The following PCDHGB2 variants were observed in gnomAD, a reference collection of about 807,000 sequenced individuals.
PCDHGB2 encodes protocadherin gamma subfamily B, 2.
A neutral mutation model predicts 59.3 loss-of-function variants in PCDHGB2; 55 were observed. That is an observed-to-expected ratio of 0.93 (90% CI 0.75 to 1.16). PCDHGB2 has a LOEUF of 1.16. Among genes scored for constraint, PCDHGB2 ranks in the 50% most tolerant of loss-of-function variants. The pLI is 0.00. For missense variants in PCDHGB2, 1,228 were observed against 1,198.5 expected, an observed-to-expected ratio of 1.02 and a Z score of -0.36; for synonymous variants, 516 against 512.0, an observed-to-expected ratio of 1.01 and a Z score of -0.11.
At chr5:141,365,327 G>T in intron 1 of PCDHGB2, 1 of 1,613,998 alleles carries the variant, frequency 6.2e-7, no homozygotes, top group East Asian at 2.2e-5. Flanking sequence ...CAGCGCTAAG[G>T]TGGTGGTCAC....
intron 1 of PCDHGB2, chr5:141,403,867 A>C (rs755401788): frequency 1.1e-5 from 17 of 1,613,606 alleles, no homozygotes; most frequent in Admixed American, 3.3e-5. Flanking sequence ...CAACAGCAAA[A>C]AGTCTAGATT....
At chr5:141,418,127 A>G in intron 1 of PCDHGB2, 1 of 1,614,104 alleles carries the variant, frequency 6.2e-7, no homozygotes, top group East Asian at 2.2e-5. Flanking sequence ...GAAGGACCGA[A>G]TAGACCGTGA....
intron 1 of PCDHGB2, among the ~76,000 whole-genome samples, chr5:141,474,116 A>G (rs2099342954): frequency 1.3e-5 from 2 of 152,234 alleles, no homozygotes; most frequent in African/African-American, 4.8e-5. Flanking sequence ...AACAACAACG[A>G]AAATCTCAGA....
At chr5:141,390,123 C>T in intron 1 of PCDHGB2, 1 of 1,614,008 alleles carries the variant, frequency 6.2e-7, no homozygotes, top group Non-Finnish European at 8.5e-7. Context: ...GGGGACTTTG[C>T]CTTATTCCTA....
Position 141,408,177 on chromosome 5 carries a change from G to A in PCDHGB2, c.2421+45621G>A, listed in dbSNP as rs1359754385. 7.2e-6 allele frequency: 11 copies of A among 1,534,346 alleles called. 1 individual carries two copies. In the South Asian group the frequency reaches 1.3e-4, roughly 19 times the overall value. ...GCACTTTCTCCAACTGGAAAAGCGGGGACCCAGCGAGAACCCGAGCGAACG... is the reference window on the plus strand; with the variant it reads ...GCACTTTCTCCAACTGGAAAAGCGGAGACCCAGCGAGAACCCGAGCGAACG... On this transcript the variant is annotated intron_variant, in intron 1 of 3. Transcript: ENST00000522605.
chr5:141,374,973 T>C (rs1770996442), intron 1 of PCDHGB2: 1 of 1,614,028 alleles, frequency 6.2e-7, no homozygotes, highest in Non-Finnish European at 8.5e-7. Flanking sequence ...TTGAATGTTT[T>C]GACTGGAGAA....
In PCDHGB2 at chr5:141,478,301, G is replaced by C. The variant is rs778427815; in HGVS notation, c.2422-16506G>C. ...GAAGCAGTCTAGAGACCTATACCGA[G>C]CCCCGGTGAGCTCACTGTACCGAAC... On this transcript the variant is annotated intron_variant, in intron 1 of 3. Coordinates refer to ENST00000522605, the MANE Select transcript of PCDHGB2 (RefSeq NM_018923.3). 2.5e-6 allele frequency: 4 copies of C among 1,614,074 alleles called. No individual in the cohort carries two copies. In the South Asian group the frequency reaches 4.4e-5, roughly 18 times the overall value.
At chr5:141,501,290 TACAC>T (rs55762287) in intron 2 of PCDHGB2, among the ~76,000 whole-genome samples, 45,565 of 135,778 alleles carry the variant, frequency 0.34, 7,845 homozygotes, top group Non-Finnish European at 0.42. Flanking sequence ...TATTCCCTTA[TACAC>T]ACACACACAC....
rs1488305057 is a variant in PCDHGB2, at chr5:141,477,736, C to A, written c.2422-17071C>A. ...AATTTGAATTAACAGCTCATATCAG[C>A]GATGGGGGCACCCCGGTCCTAGCCA... On this transcript the variant is annotated intron_variant, in intron 1 of 3. Transcript: ENST00000522605. This position sits in a 1 kb window ranked among gnomAD's most constrained non-coding sequence, Gnocchi z 4.9. The A allele has an allele frequency of 6.2e-7, 1 of 1,613,790 alleles. No homozygotes were observed. Among genetic ancestry groups the A allele is most frequent in the Non-Finnish European group, 8.5e-7 (1 of 1,180,024 alleles).
At position 141,431,020 on chromosome 5, in the gene PCDHGB2, G is replaced by T. The variant is rs941765907; in HGVS notation, c.2422-63787G>T. ...CGCGCAGCGGCAGCTTGGTCACGGCGGGCAGGATAGACCGGGAGGAGCTCT... is the reference window on the plus strand; with the variant it reads ...CGCGCAGCGGCAGCTTGGTCACGGCTGGCAGGATAGACCGGGAGGAGCTCT... On this transcript the variant is annotated intron_variant, in intron 1 of 3. Coordinates refer to ENST00000522605, the MANE Select transcript of PCDHGB2 (RefSeq NM_018923.3). This position sits in a 1 kb window ranked among gnomAD's most constrained non-coding sequence, Gnocchi z 4.8. 2.5e-6 allele frequency: 4 copies of T among 1,614,050 alleles called. No homozygotes were observed. The East Asian group carries it at 8.9e-5, about 36-fold the overall frequency.
Position 141,485,210 on chromosome 5 carries a change from C to G in PCDHGB2, c.2422-9597C>G. 2 of 1,614,058 alleles carry G rather than the reference C, an allele frequency of 1.2e-6. No individual in the cohort carries two copies. The highest frequency in any genetic ancestry group is 1.7e-6 in the Non-Finnish European group (2 of 1,179,934). On this transcript the variant is annotated intron_variant, in intron 1 of 3. Transcript: ENST00000522605. The surrounding 1 kb of genome is among the most constrained non-coding windows in gnomAD (Gnocchi z 5.7). ...GGTGAGAAGCTGGACAGAAATCTGG[C>G]GGTGGGCTACCCTTTTGTTCCTCTT...
chr5:141,509,132 G>A (rs1261849657), intron 3 of PCDHGB2, among the ~76,000 whole-genome samples: 1 of 152,150 alleles, frequency 6.6e-6, no homozygotes, highest in Admixed American at 6.5e-5. Flanking sequence ...GAGAAAAACC[G>A]AGGCGCATCC....
rs780328813 is a variant in PCDHGB2 at position 141,361,800 on chromosome 5, C to T, written c.1665C>T (p.Leu555=). The T allele has an allele frequency of 5.6e-6, 9 of 1,613,078 alleles. No homozygotes were observed. The East Asian group carries it at 2.0e-4, about 36-fold the overall frequency. Residue 555 remains leucine, a synonymous_variant, in exon 1 of 4, where the codon CTC becomes CTT. Coordinates refer to ENST00000522605, the MANE Select transcript of PCDHGB2 (RefSeq NM_018923.3). ...NVSLRVLVGD[L]NDNAPRVLYP... The stretch of plus-strand genomic sequence containing the variant: ...GCCTGCGCGTGTTAGTGGGCGACCT[C>T]AATGACAATGCGCCACGGGTGCTGT...
intron 1 of PCDHGB2, among the ~76,000 whole-genome samples, chr5:141,407,629 G>A (rs1025838649): frequency 1.3e-5 from 2 of 151,940 alleles, no homozygotes; most frequent in African/African-American, 4.8e-5. Context: ...TCTATATCTC[G>A]TATTACTTAA....
chr5:141,368,992 C>T (rs1228600699), intron 1 of PCDHGB2, among the ~76,000 whole-genome samples: 4 of 152,202 alleles, frequency 2.6e-5, no homozygotes, highest in South Asian at 2.1e-4. Context: ...AAGGTGAATT[C>T]GGTGTGGAAC....
chr5:141,458,701 C>A (rs1057501287), intron 1 of PCDHGB2, among the ~76,000 whole-genome samples: 3 of 152,088 alleles, frequency 2.0e-5, no homozygotes, highest in Non-Finnish European at 2.9e-5. Context: ...TCCCGAGTAG[C>A]TGGGATTACA....
At chr5:141,364,462 C>T (rs897608860) in intron 1 of PCDHGB2, 23 of 1,613,902 alleles carry the variant, frequency 1.4e-5, no homozygotes, top group Non-Finnish European at 1.8e-5. Flanking sequence ...AAGGCTCCTT[C>T]GTCGGCAACA....
chr5:141,384,334 C>T, intron 1 of PCDHGB2: 1 of 1,613,846 alleles, frequency 6.2e-7, no homozygotes. Flanking sequence ...TGCACAGGAC[C>T]ACGACAGTGA....
chr5:141,413,461 C>T, intron 1 of PCDHGB2: 2 of 1,614,082 alleles, frequency 1.2e-6, no homozygotes, highest in Non-Finnish European at 1.7e-6. Context: ...CAGGATAGAC[C>T]GGGAGGAGCT....
Sources: gnomAD v4.1 joint callset for allele counts (sites outside exome capture counted in the v4.1 genomes callset) on GRCh38, gnomAD v4.1.1 for gene constraint, Gnocchi (gnomAD v3.1) non-coding constraint, MANE v1.5 for transcripts, NCBI Gene and HGNC (gene_info 2026-07-23, HGNC 2026-07-21) for gene names.